EYA3: variants seen among roughly 807,000 people sequenced by gnomAD.
EYA3 encodes EYA transcriptional coactivator and phosphatase 3, also known as protein phosphatase EYA3.
A neutral mutation model predicts 80.0 loss-of-function variants in EYA3; 39 were observed. That is an observed-to-expected ratio of 0.49 (90% CI 0.38 to 0.64). The LOEUF is 0.64. Among genes scored for constraint, EYA3 ranks in the 30% least tolerant of loss-of-function variants. The pLI is 0.00. For missense variants in EYA3, 523 were observed against 676.1 expected, an observed-to-expected ratio of 0.77 and a Z score of 2.51; for synonymous variants, 206 against 232.8, an observed-to-expected ratio of 0.88 and a Z score of 1.05.
intron 6 of EYA3, among the ~76,000 whole-genome samples, chr1:28,031,485 A>C (rs532352893): frequency 1.2e-4 from 18 of 152,242 alleles, no homozygotes; most frequent in East Asian, 7.7e-4. Context: ...ATGGGTAAGT[A>C]AGTCTGTCTC....
chr1:28,026,836 A>G (rs1331441953), intron 7 of EYA3, among the ~76,000 whole-genome samples: 4 of 152,106 alleles, frequency 2.6e-5, no homozygotes, highest in African/African-American at 9.7e-5. Context: ...GGTAGCTCAG[A>G]GTAAGGTCTC....
chr1:27,996,071 C>T (rs1156730131), intron 13 of EYA3, among the ~76,000 whole-genome samples: 2 of 152,134 alleles, frequency 1.3e-5, no homozygotes, highest in Admixed American at 1.3e-4. Flanking sequence ...CGGGGTTTCG[C>T]CATGTTAGCC....
intron 14 of EYA3, among the ~76,000 whole-genome samples, chr1:27,993,160 C>T (rs1640192346): frequency 6.6e-6 from 1 of 152,108 alleles, no homozygotes; most frequent in Admixed American, 6.6e-5. Context: ...TTTAAAAAGG[C>T]ATTTGTCCAA....
rs551652098 is a variant in EYA3, at chr1:27,994,811, A to T, written c.1143-1251T>A. Among the ~76,000 whole-genome samples the T allele has an allele frequency of 3.8e-4, 58 of 151,798 alleles. 1 individual carries two copies. The highest frequency in any genetic ancestry group is 1.3e-4 in the Admixed American group (2 of 15,236). On this transcript the variant is annotated intron_variant, in intron 13 of 17. Transcript: ENST00000373871. ...GCAAGATCCCATCTCTAAGAAAAAAATTTTTTAATTAGTCAGGTATGGTGG... is the reference window on the plus strand; with the variant it reads ...GCAAGATCCCATCTCTAAGAAAAAATTTTTTTAATTAGTCAGGTATGGTGG...
intron 1 of EYA3, among the ~76,000 whole-genome samples, chr1:28,079,608 C>CA (rs1645348733): frequency 6.6e-6 from 1 of 152,150 alleles, no homozygotes; most frequent in African/African-American, 2.4e-5. Flanking sequence ...TTTTCAACCT[C>CA]ACGATTCCAA....
intron 7 of EYA3, among the ~76,000 whole-genome samples, chr1:28,019,499 T>C (rs1052202745): frequency 2.1e-4 from 32 of 152,200 alleles, no homozygotes; most frequent in Middle Eastern, 3.2e-3. Flanking sequence ...TTTCCAGATT[T>C]TGTTATCAGT....
At position 28,027,879 on chromosome 1, in the gene EYA3, G is replaced by C; in HGVS notation, c.409C>G (p.Pro137Ala). Reference protein sequence around the residue: ...MKPESGLIQTPSPSQHSVLTC... With the variant: ...MKPESGLIQTASPSQHSVLTC... ...AGAACACTGTGTTGACTTGGAGATG[G>C]AGTCTGAATTAAACCACTTTCAGGT... The change falls in exon 7 of 18, where the codon CCA becomes GCA. Residue 137 changes from proline to alanine, a missense_variant. Physicochemically the swap from Pro to Ala is conservative, Grantham distance 27 (BLOSUM62 -1). This residue lies in a region of EYA3 where 304 missense variants were observed against 343.3 expected (regional missense o/e 0.89). Transcript: ENST00000373871. 6.2e-7 allele frequency: 1 copy of C among 1,614,126 alleles called. No homozygotes were observed. Among genetic ancestry groups the C allele is most frequent in the Non-Finnish European group, 8.5e-7 (1 of 1,180,018 alleles).
intron 16 of EYA3, among the ~76,000 whole-genome samples, chr1:27,985,230 A>G (rs1343915113): frequency 6.7e-6 from 1 of 150,004 alleles, no homozygotes; most frequent in African/African-American, 2.4e-5. Context: ...GACATGCACC[A>G]CCACTCCCAG....
chr1:28,065,717 T>G (rs542420021), intron 1 of EYA3, among the ~76,000 whole-genome samples: 1 of 150,882 alleles, frequency 6.6e-6, no homozygotes, highest in South Asian at 2.1e-4. Flanking sequence ...AAATAAGAGT[T>G]ACTCAGGCTG....
At chr1:28,083,161 G>A (rs142549956) in intron 1 of EYA3, among the ~76,000 whole-genome samples, 122 of 152,282 alleles carry the variant, frequency 8.0e-4, no homozygotes, top group African/African-American at 2.9e-3. Flanking sequence ...AACTAGTTGT[G>A]TTACTTTGGG....
At chr1:28,036,689 T>C (rs1643472253) in intron 5 of EYA3, among the ~76,000 whole-genome samples, 1 of 152,224 alleles carries the variant, frequency 6.6e-6, no homozygotes, top group African/African-American at 2.4e-5. Context: ...GACTTTACAC[T>C]AGCTAGCAGA....
In EYA3 at chr1:28,057,997, T is replaced by G; in HGVS notation, c.30A>C (p.Gln10His). 1 of 1,583,670 alleles carries G rather than the reference T, an allele frequency of 6.3e-7. No homozygotes were observed. Among genetic ancestry groups the G allele is most frequent in the Non-Finnish European group, 8.6e-7 (1 of 1,159,560 alleles). MEEEQDLPE[Q>H]PVKKAKMQES... ...AACTGTTAAAGGAAATACTTACTGG[T>G]TGCTCTGGTAAATCTTGCTCTTCTT... is the stretch of plus-strand genomic sequence containing the variant. Residue 10 changes from glutamine to histidine, a missense_variant, in exon 2 of 18, where the codon CAA becomes CAC. Around this residue, in one of 2 missense-constraint regions of EYA3, gnomAD observed 304 missense variants for 343.3 expected, o/e 0.89. Coordinates refer to ENST00000373871, the MANE Select transcript of EYA3 (RefSeq NM_001990.4).
intron 16 of EYA3, among the ~76,000 whole-genome samples, chr1:27,987,663 A>G (rs1486784228): frequency 6.6e-6 from 1 of 152,030 alleles, no homozygotes; most frequent in African/African-American, 2.4e-5. Flanking sequence ...AAAGGTTCCA[A>G]TTTCTCCACA....
intron 13 of EYA3, among the ~76,000 whole-genome samples, chr1:27,995,769 A>C (rs1640412962): frequency 6.6e-6 from 1 of 152,090 alleles, no homozygotes; most frequent in Non-Finnish European, 1.5e-5. Flanking sequence ...AAAATGAATA[A>C]ATTAAAATAA....
Position 27,973,828 on chromosome 1 carries a change from G to C in EYA3, c.*638C>G, listed in dbSNP as rs973351707. 3 of 152,160 alleles carry C rather than the reference G, an allele frequency of 2.0e-5. No individual in the cohort carries two copies. Among genetic ancestry groups the C allele is most frequent in the East Asian group, 1.9e-4 (1 of 5,202 alleles). 9.4% of individuals were successfully genotyped at this position (152,160 alleles called of 1,614,324 possible). ...TTCAAGACTTTAAACACCCCTTCTT[G>C]CTAGAAAAAGAAAGTGGGGGAAACC... is the stretch of plus-strand genomic sequence containing the variant. On this transcript the variant is annotated 3_prime_UTR_variant, in exon 18 of 18. Coordinates refer to ENST00000373871, the MANE Select transcript of EYA3 (RefSeq NM_001990.4).
At chr1:28,005,873 G>A (rs1641231648) in intron 10 of EYA3, among the ~76,000 whole-genome samples, 1 of 151,752 alleles carries the variant, frequency 6.6e-6, no homozygotes, top group African/African-American at 2.4e-5. Flanking sequence ...GTGAGGCCAA[G>A]GCAGGAGGAT....
rs1638752375 is a variant in EYA3, at chr1:27,972,011, G to GT, written c.*2454dup. On this transcript the variant is annotated 3_prime_UTR_variant, in exon 18 of 18. Coordinates refer to ENST00000373871, the MANE Select transcript of EYA3 (RefSeq NM_001990.4). ...GAAAGAGCTAAGCTAGGAAGTCAGA[G>GT]TAAGAGGAAAAAGGCCAATGATAAA... The GT allele has an allele frequency of 1.3e-5, 2 of 152,192 alleles. No homozygotes were observed. The highest frequency in any genetic ancestry group is 1.3e-4 in the Admixed American group (2 of 15,268). 9.4% of individuals were successfully genotyped at this position (152,192 alleles called of 1,614,324 possible). A position where few individuals can be genotyped will look rare whatever the true frequency, so the allele number is the denominator to read the frequency against.
At chr1:28,082,591 T>A (rs1305537323) in intron 1 of EYA3, among the ~76,000 whole-genome samples, 1 of 152,156 alleles carries the variant, frequency 6.6e-6, no homozygotes, top group Non-Finnish European at 1.5e-5. Context: ...CCTGAAGAGA[T>A]GAATGTCCTT....
In EYA3 at chr1:27,974,195, C is replaced by T. The variant is rs900425860; in HGVS notation, c.*271G>A. 6.2e-5 allele frequency: 16 copies of T among 259,434 alleles called. No homozygotes were observed. The highest frequency in any genetic ancestry group is 3.0e-5 in the Non-Finnish European group (4 of 132,546). 16.1% of individuals were successfully genotyped at this position (259,434 alleles called of 1,614,324 possible). On this transcript the variant is annotated 3_prime_UTR_variant, in exon 18 of 18. Coordinates refer to ENST00000373871, the MANE Select transcript of EYA3 (RefSeq NM_001990.4). ...GAGATGAACACGGGGCTGCAGCTCA[C>T]TCTTAGCAAAAATTGCAGCTGTTGG...
Sources: gnomAD v4.1 joint callset for allele counts (sites outside exome capture counted in the v4.1 genomes callset) on GRCh38, gnomAD v4.1.1 for gene constraint, gnomAD v4.1.1 regional missense constraint, MANE v1.5 for transcripts, NCBI Gene and HGNC (gene_info 2026-07-23, HGNC 2026-07-21) for gene names.